KLHDC7A: variants seen among roughly 807,000 people sequenced by gnomAD.
KLHDC7A encodes the protein kelch domain-containing protein 7A.
For synonymous variants in KLHDC7A, 464 were observed against 461.0 expected (o/e 1.01, Z -0.08); for missense variants, 1,123 against 1,052.6 (o/e 1.07, Z -0.93).
chr1:18,482,147 G>C lies in KLHDC7A; in HGVS notation c.1166G>C (p.Cys389Ser). 6.2e-7 allele frequency: 1 copy of C among 1,611,684 alleles called. No individual in the cohort carries two copies. The highest frequency in any genetic ancestry group is 8.5e-7 in the Non-Finnish European group (1 of 1,179,784). The change falls in exon 1 of 1, where the codon TGC becomes TCC. Residue 389 changes from cysteine (C) to serine (S), a missense_variant. Physicochemically the swap from Cys to Ser is moderately radical, Grantham distance 112. Transcript: ENST00000400664. ...GGCTTCCGGCTCCCCGCTCCACCCTGCCCAGACCCGGGCGCCCTGCCTGGC... is the reference window on the plus strand; with the variant it reads ...GGCTTCCGGCTCCCCGCTCCACCCTCCCCAGACCCGGGCGCCCTGCCTGGC... The part of the protein sequence containing the change: ...PDGFRLPAPP[C>S]PDPGALPGLG...
rs990519326 is a variant in KLHDC7A, at chr1:18,482,369, T to C, written c.1388T>C (p.Leu463Pro). Reference sequence around the variant, plus strand: ...TACAAGGTGATGAGCGAAAACTACCTGCAGGTGCTGCGCAGCCCGGACATC... The same window carrying C: ...TACAAGGTGATGAGCGAAAACTACCCGCAGGTGCTGCGCAGCCCGGACATC... ...AAYKVMSENY[L>P]QVLRSPDIYG... Residue 463 changes from leucine to proline, a missense_variant, in exon 1 of 1, where the codon CTG (leucine) becomes CCG (proline). Transcript: ENST00000400664. 6.2e-6 allele frequency: 10 copies of C among 1,603,564 alleles called. No homozygotes were observed. The highest frequency in any genetic ancestry group is 1.7e-5 in the Admixed American group (1 of 60,012).
chr1:18,483,825 A>C lies in KLHDC7A; in HGVS notation c.*510A>C. ...ACACACAGGTGGGAAAGATGGAGGC[A>C]GGTGACTTGGGCAGGGCCAGGAAGG... On this transcript the variant is annotated 3_prime_UTR_variant, in exon 1 of 1. Coordinates refer to ENST00000400664, the MANE Select transcript of KLHDC7A (RefSeq NM_152375.3). 1 of 1,224,038 alleles carries C rather than the reference A, an allele frequency of 8.2e-7. No homozygotes were observed. The highest frequency in any genetic ancestry group is 1.0e-6 in the Non-Finnish European group (1 of 953,380). The allele number at this position is 1,224,038 out of a possible 1,614,324, so 75.8% of individuals were successfully genotyped here. A position where few individuals can be genotyped will look rare whatever the true frequency, so the allele number is the denominator to read the frequency against.
Position 18,482,836 on chromosome 1 carries a change from C to A in KLHDC7A, c.1855C>A (p.Pro619Thr), listed in dbSNP as rs1213730838. Reference protein sequence around the residue: ...LDRWDFAPPLPSDTFALAHTA... With the variant: ...LDRWDFAPPLTSDTFALAHTA... ...CCGCTGGGACTTTGCCCCGCCGCTC[C>A]CCAGTGACACGTTCGCCCTGGCGCA... The change falls in exon 1 of 1, where the codon CCC (proline) becomes ACC (threonine). Residue 619 changes from proline (P) to threonine (T), a missense_variant. Physicochemically the swap from Pro to Thr is conservative, Grantham distance 38. Coordinates refer to ENST00000400664, the MANE Select transcript of KLHDC7A (RefSeq NM_152375.3). 1 of 1,611,094 alleles carries A rather than the reference C, an allele frequency of 6.2e-7. No homozygotes were observed. The highest frequency in any genetic ancestry group is 8.5e-7 in the Non-Finnish European group (1 of 1,179,214).
At position 18,482,203 on chromosome 1, in the gene KLHDC7A, C is replaced by A; in HGVS notation, c.1222C>A (p.Gln408Lys). 1 of 1,610,590 alleles carries A rather than the reference C, an allele frequency of 6.2e-7. No individual in the cohort carries two copies. Among genetic ancestry groups the A allele is most frequent in the Non-Finnish European group, 8.5e-7 (1 of 1,179,906 alleles). The change falls in exon 1 of 1, where the codon CAG (glutamine) becomes AAG (lysine). Residue 408 changes from glutamine (Q) to lysine (K), a missense_variant. By Grantham distance (53) the Gln-to-Lys change is moderately conservative. Transcript: ENST00000400664. ...CAGAAGCAGCCGGGAGCCCCATGTG[C>A]AGCCGGTGGCCGGGACCAATTTCTT... ...LGRSSREPHV[Q>K]PVAGTNFFHI...
At position 18,482,927 on chromosome 1, in the gene KLHDC7A, G is replaced by T. The variant is rs755445413; in HGVS notation, c.1946G>T (p.Arg649Leu). The T allele has an allele frequency of 1.2e-6, 2 of 1,611,060 alleles. No individual in the cohort carries two copies. The highest frequency in any genetic ancestry group is 2.2e-5 in the East Asian group (1 of 44,828). ...TGGSLRFLLF[R>L]FSAQEQRWWA... The stretch of plus-strand genomic sequence containing the variant: ...GGCTCGCTGCGCTTCCTGCTGTTCC[G>T]CTTCTCTGCGCAGGAGCAGCGCTGG... The change falls in exon 1 of 1, where the codon CGC becomes CTC. Residue 649 changes from arginine to leucine, a missense_variant. By Grantham distance (102) the Arg-to-Leu change is moderately radical. Coordinates refer to ENST00000400664, the MANE Select transcript of KLHDC7A (RefSeq NM_152375.3).
Position 18,481,463 on chromosome 1 carries a change from T to C in KLHDC7A, c.482T>C (p.Leu161Ser). 1.9e-6 allele frequency: 3 copies of C among 1,613,658 alleles called. No homozygotes were observed. Among genetic ancestry groups the C allele is most frequent in the Non-Finnish European group, 2.5e-6 (3 of 1,179,982 alleles). ...SNPDPPHFPR[L>S]GSEPKSSPAG... is the part of the protein sequence containing the mutation. The stretch of plus-strand genomic sequence containing the variant: ...CCTGACCCTCCCCATTTCCCCCGCT[T>C]GGGCAGCGAACCGAAGAGCTCCCCA... Residue 161 changes from leucine to serine, a missense_variant, in exon 1 of 1, where the codon TTG becomes TCG. Transcript: ENST00000400664.
chr1:18,483,010 G>A lies in KLHDC7A; in HGVS notation c.2029G>A (p.Gly677Ser). The change falls in exon 1 of 1, where the codon GGC becomes AGC. Residue 677 changes from glycine to serine, a missense_variant. By Grantham distance (56) the Gly-to-Ser change is moderately conservative (BLOSUM62 0). Transcript: ENST00000400664. ...DRTAEMVAVN[G>S]FLYRFDLNRS... ...CACGGCCGAGATGGTGGCGGTCAAC[G>A]GCTTTCTCTACCGCTTTGACCTCAA... 1.9e-6 allele frequency: 3 copies of A among 1,613,316 alleles called. No homozygotes were observed. Among genetic ancestry groups the A allele is most frequent in the Non-Finnish European group, 2.5e-6 (3 of 1,179,944 alleles).
chr1:18,483,528 G>T lies in KLHDC7A; in HGVS notation c.*213G>T. ...GCTGCAGAGGCCCCACTGCAGAAAA[G>T]AGGACCAGGAGCTGGTGTTCCAAGG... On this transcript the variant is annotated 3_prime_UTR_variant, in exon 1 of 1. Coordinates refer to ENST00000400664, the MANE Select transcript of KLHDC7A (RefSeq NM_152375.3). 6 of 1,432,300 alleles carry T rather than the reference G, an allele frequency of 4.2e-6. No individual in the cohort carries two copies. Among genetic ancestry groups the T allele is most frequent in the Non-Finnish European group, 5.5e-6 (6 of 1,089,884 alleles). The allele number at this position is 1,432,300 out of a possible 1,614,324, so 88.7% of individuals were successfully genotyped here. A position where few individuals can be genotyped will look rare whatever the true frequency, so the allele number is the denominator to read the frequency against.
In KLHDC7A at chr1:18,481,665, G is replaced by A; in HGVS notation, c.684G>A (p.Val228=). 1 of 1,614,148 alleles carries A rather than the reference G, an allele frequency of 6.2e-7. No homozygotes were observed. The stretch of plus-strand genomic sequence containing the variant: ...ACCAGAGCTGGGTCTTCACCCGTGT[G>A]ATAGGGGTCAGCAGAGAAGAGGCTG... The part of the protein sequence containing the change: ...DMNQSWVFTR[V]IGVSREEAGA... Residue 228 remains valine, a synonymous_variant, in exon 1 of 1, where the codon GTG becomes GTA. Coordinates refer to ENST00000400664, the MANE Select transcript of KLHDC7A (RefSeq NM_152375.3).
rs1392451870 is a variant in KLHDC7A at position 18,484,542 on chromosome 1, T to TG, written c.*1228dup. The TG allele has an allele frequency of 5.9e-6, 1 of 168,502 alleles. No individual in the cohort carries two copies. The highest frequency in any genetic ancestry group is 1.4e-5 in the Non-Finnish European group (1 of 69,106). The allele number at this position is 168,502 out of a possible 1,614,324, so 10.4% of individuals were successfully genotyped here. A position where few individuals can be genotyped will look rare whatever the true frequency, so the allele number is the denominator to read the frequency against. On this transcript the variant is annotated 3_prime_UTR_variant, in exon 1 of 1. Transcript: ENST00000400664. ...ATGGGAGGTACACCAGAGCAGGGCC[T>TG]GACAAGGAAGAAAATAAGGATGCTT...
In KLHDC7A at chr1:18,482,424, G is replaced by A. The variant is rs1183159443; in HGVS notation, c.1443G>A (p.Glu481=). The change falls in exon 1 of 1, where the codon GAG becomes GAA. Residue 481 remains glutamate, a synonymous_variant. Transcript: ENST00000400664. ...GGTGCCTGAGCGGGGCAGAGCGCGA[G>A]CTGATCCTGCAGCGCCGGCTCCGGG... ...IYGCLSGAER[E]LILQRRLRGR... The A allele has an allele frequency of 6.2e-7, 1 of 1,609,106 alleles. No individual in the cohort carries two copies. Among genetic ancestry groups the A allele is most frequent in the Admixed American group, 1.7e-5 (1 of 60,022 alleles).
In KLHDC7A at chr1:18,482,220, C is replaced by T. The variant is rs1041866741; in HGVS notation, c.1239C>T (p.Thr413=). The T allele has an allele frequency of 6.2e-7, 1 of 1,608,860 alleles. No homozygotes were observed. The highest frequency in any genetic ancestry group is 1.3e-5 in the African/African-American group (1 of 75,056). The part of the protein sequence containing the change: ...REPHVQPVAG[T]NFFHIPLTPA... ...CCCATGTGCAGCCGGTGGCCGGGAC[C>T]AATTTCTTCCATATCCCGCTCACCC... Residue 413 remains threonine, a synonymous_variant, in exon 1 of 1, where the codon ACC becomes ACT. Transcript: ENST00000400664.
Position 18,484,771 on chromosome 1 carries a change from G to A in KLHDC7A, c.*1456G>A, listed in dbSNP as rs1385501866. 1.8e-5 allele frequency: 3 copies of A among 167,306 alleles called. No homozygotes were observed. Among genetic ancestry groups the A allele is most frequent in the East Asian group, 1.9e-4 (1 of 5,188 alleles). 10.4% of individuals were successfully genotyped at this position (167,306 alleles called of 1,614,324 possible). On this transcript the variant is annotated 3_prime_UTR_variant, in exon 1 of 1. Transcript: ENST00000400664. ...GACTGGAACAAAGGATGAAAAGGAG[G>A]TTGGCATGGACATAAGAGGAGAGCT...
At position 18,481,421 on chromosome 1, in the gene KLHDC7A, C is replaced by T. The variant is rs769390350; in HGVS notation, c.440C>T (p.Thr147Ile). The change falls in exon 1 of 1, where the codon ACA becomes ATA. Residue 147 changes from threonine (T) to isoleucine (I), a missense_variant. Thr to Ile is a moderately conservative substitution (Grantham distance 89, BLOSUM62 -1). Transcript: ENST00000400664. Reference protein sequence around the residue: ...PPCCPSQETRTAVGSNPDPPH... With the variant: ...PPCCPSQETRIAVGSNPDPPH... ...TGCTGCCCCAGCCAGGAAACCAGAA[C>T]AGCTGTTGGCAGTAACCCTGACCCT... The T allele has an allele frequency of 2.5e-6, 4 of 1,613,868 alleles. No individual in the cohort carries two copies. The highest frequency in any genetic ancestry group is 3.4e-6 in the Non-Finnish European group (4 of 1,180,000).
chr1:18,483,735 C>T lies in KLHDC7A; in HGVS notation c.*420C>T. On this transcript the variant is annotated 3_prime_UTR_variant, in exon 1 of 1. Transcript: ENST00000400664. ...CTGGAGAGGGGTTGGCTCTCTGAGC[C>T]ATCAGTGCCCCTTCCTAAACATCAG... The T allele has an allele frequency of 1.7e-6, 2 of 1,195,784 alleles. No homozygotes were observed. Among genetic ancestry groups the T allele is most frequent in the Non-Finnish European group, 2.1e-6 (2 of 939,326 alleles). 74.1% of individuals were successfully genotyped at this position (1,195,784 alleles called of 1,614,324 possible).
At position 18,481,305 on chromosome 1, in the gene KLHDC7A, G is replaced by A. The variant is rs748453865; in HGVS notation, c.324G>A (p.Thr108=). 3.2e-6 allele frequency: 5 copies of A among 1,584,884 alleles called. No individual in the cohort carries two copies. The highest frequency in any genetic ancestry group is 3.5e-5 in the Admixed American group (2 of 57,108). ...ENPRGPYVLV[T]GATSTDRKPQ... ...CAAGAGGCCCCTATGTCCTGGTCAC[G>A]GGGGCCACTTCCACAGACAGGAAGC... Residue 108 remains threonine, a synonymous_variant, in exon 1 of 1, where the codon ACG becomes ACA. Transcript: ENST00000400664.
chr1:18,482,041 T>TGGCCCTCCACCCGA lies in KLHDC7A; in HGVS notation c.1064_1077dup (p.Phe360ProfsTer15). 6.2e-7 allele frequency: 1 copy of TGGCCCTCCACCCGA among 1,612,644 alleles called. No homozygotes were observed. The highest frequency in any genetic ancestry group is 2.2e-5 in the East Asian group (1 of 44,850). The stretch of plus-strand genomic sequence containing the variant: ...AGCCGCCTCCCCGCAGACAGGGCCG[T>TGGCCCTCCACCCGA]GGCCCTCCACCCGAGGCTTCAGCCG... On this transcript the variant is annotated frameshift_variant, in exon 1 of 1. Coordinates refer to ENST00000400664, the MANE Select transcript of KLHDC7A (RefSeq NM_152375.3). LOFTEE classifies it low-confidence loss of function (END_TRUNC).
Position 18,482,015 on chromosome 1 carries a change from GA to G in KLHDC7A, c.1035del (p.Ala346ProfsTer24), listed in dbSNP as rs1200705260. 6.2e-7 allele frequency: 1 copy of G among 1,612,762 alleles called. No individual in the cohort carries two copies. The highest frequency in any genetic ancestry group is 2.2e-5 in the East Asian group (1 of 44,866). Reference sequence around the variant, plus strand: ...GGTGACACAAAGGGTGCAGCCGAAAGAGCCGCCTCCCCGCAGACAGGGCCGT... The same window carrying G: ...GGTGACACAAAGGGTGCAGCCGAAAGGCCGCCTCCCCGCAGACAGGGCCGT... ...QAGDTKGAAE[R>X]AASPQTGPWP... On this transcript the variant is annotated frameshift_variant, in exon 1 of 1. Coordinates refer to ENST00000400664, the MANE Select transcript of KLHDC7A (RefSeq NM_152375.3). LOFTEE classifies it low-confidence loss of function (END_TRUNC).
Position 18,481,153 on chromosome 1 carries a change from G to T in KLHDC7A, c.172G>T (p.Glu58Ter). 1 of 1,612,764 alleles carries T rather than the reference G, an allele frequency of 6.2e-7. No homozygotes were observed. Among genetic ancestry groups the T allele is most frequent in the Non-Finnish European group, 8.5e-7 (1 of 1,179,532 alleles). ...TGGGAATGGCCAGGCAGAAGCCAAG[G>T]AGGAAGCAGAGGGCTCAGGGCAGCC... is the stretch of plus-strand genomic sequence containing the variant. ...WGGNGQAEAKEEAEGSGQPAV... is the reference protein window; with the variant it reads ...WGGNGQAEAK Residue 58 changes from glutamate to a stop codon, truncating the protein, a stop_gained, in exon 1 of 1, where the codon GAG (glutamate) becomes TAG (stop). Transcript: ENST00000400664. LOFTEE classifies it low-confidence loss of function (END_TRUNC).
Sources: gnomAD v4.1 joint callset for allele counts on GRCh38, gnomAD v4.1.1 for gene constraint, MANE v1.5 for transcripts, NCBI Gene and HGNC (gene_info 2026-07-23, HGNC 2026-07-21) for gene names.